The following LIPA variants were observed in gnomAD, a reference collection of about 807,000 sequenced individuals.
LIPA encodes lipase A, lysosomal acid type.
A neutral mutation model predicts 40.6 loss-of-function variants in LIPA; 26 were observed. The observed-to-expected ratio is 0.64, with a 90% CI of 0.47 to 0.89. LIPA has a LOEUF of 0.89. LIPA is among the 40% of genes least tolerant of loss of function. The pLI, the probability that LIPA is intolerant of heterozygous loss-of-function variation, is 0.00. For synonymous variants in LIPA, 188 were observed against 168.4 expected (o/e 1.12, Z -0.90); for missense variants, 455 against 479.6 (o/e 0.95, Z 0.48).
At chr10:89,396,596 C>T (rs10788642) in intron 2 of LIPA, among the ~76,000 whole-genome samples, 37,983 of 152,016 alleles carry the variant, frequency 0.25, 4,958 homozygotes, top group Middle Eastern at 0.28. Flanking sequence ...AGGTCATTCA[C>T]GAGAGACCTA....
At chr10:89,351,454 A>G (rs1843958253) in intron 2 of LIPA, among the ~76,000 whole-genome samples, 1 of 152,216 alleles carries the variant, frequency 6.6e-6, no homozygotes, top group Admixed American at 6.5e-5. Context: ...ATCCATGACG[A>G]TTTTATAAAT....
intron 2 of LIPA, among the ~76,000 whole-genome samples, chr10:89,373,334 C>CAAAAAAAAAAAAAAAAAAAAAAAAAAA (rs34479360): frequency 6.3e-5 from 4 of 63,152 alleles, no homozygotes; most frequent in African/African-American, 1.8e-4. Flanking sequence ...GACTCCCTCT[C>CAAAAAAAAAAAAAAAAAAAAAAAAAAA]AAAAAAAAAA....
intron 2 of LIPA, among the ~76,000 whole-genome samples, chr10:89,400,742 A>T (rs949351760): frequency 6.6e-6 from 1 of 152,154 alleles, no homozygotes; most frequent in Non-Finnish European, 1.5e-5. Context: ...TCCAACTTGG[A>T]TGTCTTGTAT....
At chr10:89,266,169 G>A (rs1843235318) in intron 1 of LIPA, among the ~76,000 whole-genome samples, 1 of 152,202 alleles carries the variant, frequency 6.6e-6, no homozygotes, top group African/African-American at 2.4e-5. Context: ...GCTGTTGTTT[G>A]TTGTTGCTGT....
At chr10:89,237,459 A>AT (rs922515433) in intron 3 of LIPA, among the ~76,000 whole-genome samples, 57 of 147,762 alleles carry the variant, frequency 3.9e-4, no homozygotes, top group East Asian at 1.7e-3. Context: ...CTAACAAAAA[A>AT]AAATATATAT....
rs1446869809 is a variant in LIPA, at chr10:89,320,304, T to TATATTTAGA, written c.-2+22298_-2+22306dup. Among the ~76,000 whole-genome samples, 3 of 152,354 alleles carry TATATTTAGA rather than the reference T, an allele frequency of 2.0e-5. No homozygotes were observed. The East Asian group carries it at 5.8e-4, about 29-fold the overall frequency. ...TCCCTGTGTGCAGATGACATGATTG[T>TATATTTAGA]ATATTTAGAAAACCCCATAGTCTCA... is the stretch of plus-strand genomic sequence containing the variant. On this transcript the variant is annotated intron_variant, in intron 1 of 5. Transcript: ENST00000282673.
intron 2 of LIPA, chr10:89,362,973 G>T (rs1589622154): frequency 3.8e-6 from 1 of 263,946 alleles, no homozygotes; most frequent in East Asian, 8.0e-5. Context: ...GGTTATCCTT[G>T]CCCTGAAGCT....
At chr10:89,235,607 C>G (rs1379207546) in intron 3 of LIPA, among the ~76,000 whole-genome samples, 1 of 152,230 alleles carries the variant, frequency 6.6e-6, no homozygotes, top group Non-Finnish European at 1.5e-5. Flanking sequence ...GGAAGTTCCT[C>G]CTGCCTCCCA....
chr10:89,237,461 A>AAT (rs1554867720), intron 3 of LIPA, among the ~76,000 whole-genome samples: 14 of 151,568 alleles, frequency 9.2e-5, no homozygotes, highest in Admixed American at 2.0e-4. Context: ...AACAAAAAAA[A>AAT]ATATATATAT....
At chr10:89,407,401 G>A (rs1038673973) in intron 2 of LIPA, among the ~76,000 whole-genome samples, 3 of 151,966 alleles carry the variant, frequency 2.0e-5, no homozygotes, top group South Asian at 2.1e-4. Flanking sequence ...ATAAACTTCC[G>A]GACTCTGTTA....
At chr10:89,366,260 G>T (rs1844056116) in intron 2 of LIPA, among the ~76,000 whole-genome samples, 1 of 152,084 alleles carries the variant, frequency 6.6e-6, no homozygotes. Flanking sequence ...TCTGTTATTG[G>T]TGTATAGGAA....
At chr10:89,313,457 G>A (rs1589598104) in intron 1 of LIPA, among the ~76,000 whole-genome samples, 2 of 152,146 alleles carry the variant, frequency 1.3e-5, no homozygotes, top group South Asian at 4.1e-4. Context: ...GTAAAATGGT[G>A]CAGCCACTTT....
intron 1 of LIPA, among the ~76,000 whole-genome samples, chr10:89,272,267 A>G (rs1464554702): frequency 6.6e-6 from 1 of 152,000 alleles, no homozygotes; most frequent in Admixed American, 6.6e-5. Context: ...CCCTCCAGTA[A>G]GCTCCAATGT....
At chr10:89,317,382 T>C (rs7922439) in intron 1 of LIPA, among the ~76,000 whole-genome samples, 3,085 of 152,322 alleles carry the variant, frequency 0.02, 56 homozygotes, top group African/African-American at 0.05. Flanking sequence ...AATGATGTGA[T>C]GGAGCTGAAA....
chr10:89,366,224 G>C (rs1434312151), intron 2 of LIPA, among the ~76,000 whole-genome samples: 1 of 152,024 alleles, frequency 6.6e-6, no homozygotes, highest in Non-Finnish European at 1.5e-5. Flanking sequence ...TTGTGAATGG[G>C]AGTTCACTCA....
intron 3 of LIPA, among the ~76,000 whole-genome samples, chr10:89,233,732 G>C (rs1459838563): frequency 1.3e-5 from 2 of 152,118 alleles, no homozygotes; most frequent in African/African-American, 4.8e-5. Flanking sequence ...AAACCCTCGT[G>C]GTGGGTGCCT....
chr10:89,320,534 C>A (rs886222373), intron 1 of LIPA, among the ~76,000 whole-genome samples: 6 of 151,714 alleles, frequency 4.0e-5, no homozygotes, highest in East Asian at 1.9e-4. Context: ...CCTCTTCAAG[C>A]AGAACTACAA....
At chr10:89,255,215 G>A (rs1231262695), upstream of LIPA, among the ~76,000 whole-genome samples, 1 of 152,182 alleles carries the variant, frequency 6.6e-6, no homozygotes, top group East Asian at 1.9e-4. Context: ...AATTTGTAAA[G>A]GAAAGAGGTT....
At chr10:89,252,123 T>A (rs1353916498), upstream of LIPA, 10 of 152,372 alleles carry the variant, frequency 6.6e-5, no homozygotes. Context: ...CCTGCAGGGC[T>A]GGCACCTTCT....
Sources: gnomAD v4.1 joint callset for allele counts (sites outside exome capture counted in the v4.1 genomes callset) on GRCh38, gnomAD v4.1.1 for gene constraint, MANE v1.5 for transcripts, NCBI Gene and HGNC (gene_info 2026-07-23, HGNC 2026-07-21) for gene names.